SNX9: variants seen among roughly 807,000 people sequenced by gnomAD.
SNX9 encodes the protein sorting nexin-9.
In SNX9, 44 loss-of-function variants were observed where a neutral mutation model predicts 89.4. That is an observed-to-expected ratio of 0.49 (90% CI 0.39 to 0.63). SNX9 has a LOEUF of 0.63. Ranked by LOEUF, SNX9 falls within the 30% of genes least tolerant of loss-of-function variation. SNX9 has a pLI of 0.00. For missense variants in SNX9, 578 were observed against 736.1 expected, an observed-to-expected ratio of 0.79 and a Z score of 2.49; for synonymous variants, 236 against 247.8, an observed-to-expected ratio of 0.95 and a Z score of 0.45.
intron 10 of SNX9, among the ~76,000 whole-genome samples, chr6:157,926,567 A>G (rs999105507): frequency 2.6e-5 from 4 of 152,068 alleles, no homozygotes; most frequent in African/African-American, 9.7e-5. Context: ...AGATTGCTTG[A>G]GCACAGGAGT....
Position 157,898,550 on chromosome 6 carries a change from TC to T in SNX9, c.472+1554del, listed in dbSNP as rs3840365. Among the ~76,000 whole-genome samples, 182 of 152,346 alleles carry T rather than the reference TC, an allele frequency of 1.2e-3. 1 individual carries two copies. In the East Asian group the frequency reaches 0.021, roughly 17 times the overall value. On this transcript the variant is annotated intron_variant, in intron 5 of 17. Coordinates refer to ENST00000392185, the MANE Select transcript of SNX9 (RefSeq NM_016224.5). The stretch of plus-strand genomic sequence containing the variant: ...GTGTATGTGGATGGGATGTGGCTCA[TC>T]CTGCTGGTTTAAGACCTCTGCATTC...
chr6:157,877,699 G>A (rs759358721), intron 4 of SNX9, among the ~76,000 whole-genome samples: 5 of 152,128 alleles, frequency 3.3e-5, no homozygotes, highest in Admixed American at 2.0e-4. Context: ...TTTTGAGAGC[G>A]GGAACCTCAG....
intron 1 of SNX9, among the ~76,000 whole-genome samples, chr6:157,839,460 C>T (rs769467786): frequency 6.6e-6 from 1 of 152,182 alleles, no homozygotes; most frequent in Non-Finnish European, 1.5e-5. Flanking sequence ...GGGTTCAAAT[C>T]CCAGTCCAGT....
At chr6:157,904,215 C>T (rs577736669) in intron 6 of SNX9, among the ~76,000 whole-genome samples, 4 of 152,126 alleles carry the variant, frequency 2.6e-5, no homozygotes, top group Non-Finnish European at 5.9e-5. Flanking sequence ...GCAGGCAGAT[C>T]ACGAGGTCAG....
intron 2 of SNX9, among the ~76,000 whole-genome samples, chr6:157,871,643 G>A (rs1167444498): frequency 6.6e-6 from 1 of 152,014 alleles, no homozygotes; most frequent in South Asian, 2.1e-4. Context: ...AAACCTGCAC[G>A]TTGTGCACAT....
At chr6:157,826,847 T>TATAG (rs1781361846) in intron 1 of SNX9, among the ~76,000 whole-genome samples, 2 of 50,800 alleles carry the variant, frequency 3.9e-5, no homozygotes, top group South Asian at 5.2e-4. Flanking sequence ...TATATTATAT[T>TATAG]TTATATATAA....
rs145473689 is a variant in SNX9, at chr6:157,849,133, A to G, written c.13-18414A>G. On this transcript the variant is annotated intron_variant, in intron 1 of 17. Coordinates refer to ENST00000392185, the MANE Select transcript of SNX9 (RefSeq NM_016224.5). Reference sequence around the variant, plus strand: ...CAAGAAAAGAAAAGAAAATAGTTCAATAAGTCTGGAATTTATCATTGAAGG... The same window carrying G: ...CAAGAAAAGAAAAGAAAATAGTTCAGTAAGTCTGGAATTTATCATTGAAGG... Among the ~76,000 whole-genome samples, 144 of 152,336 alleles carry G rather than the reference A, an allele frequency of 9.5e-4. 1 individual carries two copies. The East Asian group carries it at 0.018, about 19-fold the overall frequency.
At chr6:157,859,508 G>C (rs1782076269) in intron 1 of SNX9, among the ~76,000 whole-genome samples, 1 of 152,160 alleles carries the variant, frequency 6.6e-6, no homozygotes, top group Non-Finnish European at 1.5e-5. Flanking sequence ...AAGCTATATT[G>C]GGGTAGCATT....
chr6:157,867,431 C>A, intron 1 of SNX9, 116 bp from the exon 2 acceptor site: 1 of 736,956 alleles, frequency 1.4e-6, no homozygotes, highest in Non-Finnish European at 2.3e-6. Context: ...TCCAAAACAG[C>A]CACAGCCACT....
At chr6:157,938,941 G>T (rs971653482) in intron 16 of SNX9, among the ~76,000 whole-genome samples, 194 bp downstream of exon 16, 2 of 152,116 alleles carry the variant, frequency 1.3e-5, no homozygotes, top group African/African-American at 4.8e-5. Flanking sequence ...CACCTTATCT[G>T]GCTATAGATG....
chr6:157,920,758 T>C (rs1490465231), intron 9 of SNX9, among the ~76,000 whole-genome samples: 1 of 152,220 alleles, frequency 6.6e-6, no homozygotes, highest in African/African-American at 2.4e-5. Flanking sequence ...TTTCAACTAA[T>C]AGTAGTTTTT....
chr6:157,865,663 G>A (rs11963688), intron 1 of SNX9, among the ~76,000 whole-genome samples: 1,823 of 152,306 alleles, frequency 0.012, 43 homozygotes, highest in African/African-American at 0.042. Context: ...TTCAGTACCT[G>A]CTTTGTCACA....
intron 1 of SNX9, among the ~76,000 whole-genome samples, chr6:157,837,536 C>A (rs1473060239): frequency 6.6e-6 from 1 of 152,080 alleles, no homozygotes; most frequent in Non-Finnish European, 1.5e-5. Context: ...GTACCCATAC[C>A]TAATTTTGAT....
intron 4 of SNX9, among the ~76,000 whole-genome samples, chr6:157,887,081 T>G (rs1275213670): frequency 2.0e-5 from 3 of 152,226 alleles, no homozygotes; most frequent in Non-Finnish European, 4.4e-5. Context: ...TGTCAGACAT[T>G]GCAATTTTCA....
chr6:157,825,704 T>C (rs1781330162), intron 1 of SNX9, among the ~76,000 whole-genome samples: 1 of 152,202 alleles, frequency 6.6e-6, no homozygotes, highest in South Asian at 2.1e-4. Context: ...GAAGCAGTTA[T>C]TAAAAGAAGA....
At chr6:157,932,959 GTTTTCTCCTTA>G (rs753019091) in intron 13 of SNX9, among the ~76,000 whole-genome samples, 2 of 149,556 alleles carry the variant, frequency 1.3e-5, no homozygotes, top group African/African-American at 2.5e-5. Context: ...TGTGTTGCCT[GTTTTCTCCTTA>G]ACTCATAACT....
intron 4 of SNX9, among the ~76,000 whole-genome samples, chr6:157,884,301 A>T (rs1242313998): frequency 6.6e-6 from 1 of 152,216 alleles, no homozygotes; most frequent in Non-Finnish European, 1.5e-5. Flanking sequence ...GTTGCAAAGG[A>T]ATTTTTATTG....
At chr6:157,887,085 A>G (rs1030617241) in intron 4 of SNX9, among the ~76,000 whole-genome samples, 5 of 151,982 alleles carry the variant, frequency 3.3e-5, no homozygotes, top group East Asian at 1.9e-4. Flanking sequence ...AGACATTGCA[A>G]TTTTCACCTT....
intron 4 of SNX9, among the ~76,000 whole-genome samples, chr6:157,894,399 T>A (rs1782932940): frequency 6.7e-6 from 1 of 149,884 alleles, no homozygotes. Flanking sequence ...CATGAGCCAC[T>A]GTGCCCGGCC....
Sources: gnomAD v4.1 joint callset for allele counts (sites outside exome capture counted in the v4.1 genomes callset) on GRCh38, gnomAD v4.1.1 for gene constraint, MANE v1.5 for transcripts, NCBI Gene and HGNC (gene_info 2026-07-23, HGNC 2026-07-21) for gene names.